SUGCT: variants seen among roughly 807,000 people sequenced by gnomAD.
The protein encoded by SUGCT is succinyl-CoA:glutarate CoA-transferase.
SUGCT carries 41 observed loss-of-function variants against 55.0 expected under a neutral mutation model. The ratio of observed to expected loss-of-function variants is 0.74; its 90% CI spans 0.58 to 0.97. SUGCT has a LOEUF of 0.97. SUGCT is among the 50% of genes least tolerant of loss of function. The pLI, the probability that SUGCT is intolerant of heterozygous loss-of-function variation, is 0.00. For missense variants in SUGCT, 568 were observed against 547.8 expected, an observed-to-expected ratio of 1.04 and a Z score of -0.37; for synonymous variants, 187 against 200.4, an observed-to-expected ratio of 0.93 and a Z score of 0.56.
intron 12 of SUGCT, among the ~76,000 whole-genome samples, chr7:40,614,349 G>A (rs1468229352): frequency 6.6e-6 from 1 of 152,176 alleles, no homozygotes; most frequent in Non-Finnish European, 1.5e-5. Flanking sequence ...GGAACCACCA[G>A]CACATACAAT....
chr7:40,736,187 TTATCAATATATAATA>T (rs1356154877), intron 12 of SUGCT, among the ~76,000 whole-genome samples: 18 of 147,420 alleles, frequency 1.2e-4, no homozygotes, highest in Non-Finnish European at 2.7e-4. Flanking sequence ...TATATGTAAT[TTATCAATATATAATA>T]TATCAATATA....
intron 12 of SUGCT, among the ~76,000 whole-genome samples, chr7:40,559,422 G>A (rs1795725403): frequency 6.6e-6 from 1 of 152,192 alleles, no homozygotes; most frequent in Non-Finnish European, 1.5e-5. Context: ...ATCTATAGGC[G>A]ACAGCCCTGG....
intron 12 of SUGCT, among the ~76,000 whole-genome samples, chr7:40,657,865 G>C (rs1801107588): frequency 6.6e-6 from 1 of 152,156 alleles, no homozygotes; most frequent in African/African-American, 2.4e-5. Context: ...CCATTTTCTA[G>C]ATGAAGGACC....
chr7:40,137,905 C>T (rs1338364604), intron 1 of SUGCT, among the ~76,000 whole-genome samples: 3 of 152,156 alleles, frequency 2.0e-5, no homozygotes, highest in Non-Finnish European at 4.4e-5. Flanking sequence ...TGGTCTTGAA[C>T]TCCTCAGCTC....
intron 9 of SUGCT, among the ~76,000 whole-genome samples, chr7:40,330,348 G>A (rs1247993243): frequency 6.6e-6 from 1 of 152,170 alleles, no homozygotes. Flanking sequence ...TACAGGTAAA[G>A]TAATATCCTG....
chr7:40,482,081 A>G (rs1057202356), intron 11 of SUGCT, among the ~76,000 whole-genome samples: 4 of 152,200 alleles, frequency 2.6e-5, no homozygotes, highest in African/African-American at 7.2e-5. Context: ...TATTTAAAAG[A>G]TTTCCCTTTC....
intron 13 of SUGCT, among the ~76,000 whole-genome samples, chr7:40,773,166 T>G (rs1396869630): frequency 6.6e-6 from 1 of 152,154 alleles, no homozygotes; most frequent in Non-Finnish European, 1.5e-5. Flanking sequence ...TTTGCTCTTG[T>G]CACCCAGGCT....
intron 9 of SUGCT, among the ~76,000 whole-genome samples, chr7:40,392,306 G>A (rs1028312484): frequency 6.6e-6 from 1 of 152,020 alleles, no homozygotes; most frequent in African/African-American, 2.4e-5. Context: ...AATACATAAA[G>A]AATAGTCATA....
At chr7:40,537,194 T>C (rs1355333545) in intron 12 of SUGCT, among the ~76,000 whole-genome samples, 2 of 152,202 alleles carry the variant, frequency 1.3e-5, no homozygotes, top group Non-Finnish European at 2.9e-5. Context: ...ATTGTACACC[T>C]GTAAGCCTGT....
chr7:40,391,404 C>T (rs1157199309), intron 9 of SUGCT, among the ~76,000 whole-genome samples: 3 of 152,042 alleles, frequency 2.0e-5, no homozygotes, highest in Admixed American at 6.5e-5. Context: ...GGCTAATATC[C>T]AGAATCTACA....
In SUGCT at chr7:40,549,616, T is replaced by C. The variant is rs555960288; in HGVS notation, c.1089+53230T>C. ...CGGAACATAAGGGCAAGAACAGTTA[T>C]TATGATTGATTGGCCCAAGGAAAGA... is the stretch of plus-strand genomic sequence containing the variant. On this transcript the variant is annotated intron_variant, in intron 12 of 13. Transcript: ENST00000335693. Among the ~76,000 whole-genome samples, 26 of 152,272 alleles carry C rather than the reference T, an allele frequency of 1.7e-4. No homozygotes were observed. The East Asian group carries it at 4.8e-3, about 28-fold the overall frequency.
At chr7:40,211,053 T>C (rs1439685981) in intron 6 of SUGCT, among the ~76,000 whole-genome samples, 2 of 151,742 alleles carry the variant, frequency 1.3e-5, no homozygotes, top group African/African-American at 2.4e-5. Flanking sequence ...CTCGGCTCAC[T>C]GTAACCTCCA....
intron 12 of SUGCT, among the ~76,000 whole-genome samples, chr7:40,575,102 G>T (rs1451115661): frequency 2.0e-5 from 3 of 150,024 alleles, no homozygotes; most frequent in Non-Finnish European, 4.4e-5. Flanking sequence ...GAAGCAGGAT[G>T]GTGGGCAGGA....
chr7:40,424,858 C>T (rs1035131128), intron 9 of SUGCT, among the ~76,000 whole-genome samples: 5 of 152,044 alleles, frequency 3.3e-5, no homozygotes, highest in African/African-American at 1.2e-4. Flanking sequence ...ATTTTGTAGA[C>T]TTATTGAAGA....
At chr7:40,830,621 A>T (rs1012416284) in intron 13 of SUGCT, among the ~76,000 whole-genome samples, 5 of 152,084 alleles carry the variant, frequency 3.3e-5, no homozygotes, top group African/African-American at 1.2e-4. Context: ...GCCTGCCTTG[A>T]TTATTTCTCC....
chr7:40,898,007 C>A, the SUGCT span, among the ~76,000 whole-genome samples: 9 of 152,140 alleles, frequency 5.9e-5, no homozygotes, highest in South Asian at 2.1e-4. Flanking sequence ...GGTTCCCTTC[C>A]GGTGTGAAAG....
At chr7:40,447,277 G>A (rs1053701618) in intron 9 of SUGCT, among the ~76,000 whole-genome samples, 1 of 152,178 alleles carries the variant, frequency 6.6e-6, no homozygotes, top group African/African-American at 2.4e-5. Flanking sequence ...AGTGGCTAAT[G>A]TAAGAAGCAA....
At chr7:40,932,011 A>G in the SUGCT span, among the ~76,000 whole-genome samples, 5 of 152,130 alleles carry the variant, frequency 3.3e-5, no homozygotes, top group African/African-American at 9.6e-5. Flanking sequence ...TTTCATTGTA[A>G]TGTTAGGATG....
chr7:40,610,619 A>G (rs948563865), intron 12 of SUGCT, among the ~76,000 whole-genome samples: 1 of 152,220 alleles, frequency 6.6e-6, no homozygotes, highest in Non-Finnish European at 1.5e-5. Flanking sequence ...TAATGGTTCA[A>G]CTTACACCTC....
Sources: allele counts gnomAD v4.1 joint callset (sites outside exome capture counted in the v4.1 genomes callset), GRCh38; gene constraint gnomAD v4.1.1; transcripts MANE v1.5; gene names NCBI Gene and HGNC (gene_info 2026-07-23, HGNC 2026-07-21).